The following SGCD variants were observed in gnomAD, a reference collection of about 807,000 sequenced individuals.
The protein encoded by SGCD is delta-sarcoglycan.
Under a neutral mutation model 36.6 loss-of-function variants are expected in SGCD, and 18 were observed. The observed-to-expected ratio is 0.49, with a 90% CI of 0.34 to 0.73. The LOEUF (loss-of-function observed/expected upper bound fraction) is 0.73. Ranked by LOEUF, SGCD falls within the 30% of genes least tolerant of loss-of-function variation. SGCD has a pLI of 0.01. For synonymous variants in SGCD, 133 were observed against 130.6 expected (o/e 1.02, Z -0.12); for missense variants, 387 against 346.7 (o/e 1.12, Z -0.92).
chr5:156,207,003 A>G (rs2127639341), intron 3 of SGCD, among the ~76,000 whole-genome samples: 1 of 152,234 alleles, frequency 6.6e-6, no homozygotes, highest in East Asian at 1.9e-4. Context: ...AGATATTAAT[A>G]AAATGTTCTT....
chr5:155,976,285 G>A (rs1443721608), intron 1 of SGCD, among the ~76,000 whole-genome samples: 2 of 152,032 alleles, frequency 1.3e-5, no homozygotes, highest in East Asian at 3.9e-4. Flanking sequence ...TATGAGGGGA[G>A]TATTGCAGGG....
At chr5:155,825,850 G>A in the SGCD span, among the ~76,000 whole-genome samples, 1 of 151,910 alleles carries the variant, frequency 6.6e-6, no homozygotes, top group Non-Finnish European at 1.5e-5. Context: ...CTGGATTCAA[G>A]CAATTCTTGT....
At chr5:155,953,085 C>T (rs1015225405) in intron 1 of SGCD, among the ~76,000 whole-genome samples, 1 of 152,076 alleles carries the variant, frequency 6.6e-6, no homozygotes, top group Non-Finnish European at 1.5e-5. Context: ...TGACCTCACT[C>T]GCCCAGTTAT....
At position 156,759,254 on chromosome 5, in the gene SGCD, T is replaced by C; in HGVS notation, c.737T>C (p.Leu246Pro). 3 of 1,613,854 alleles carry C rather than the reference T, an allele frequency of 1.9e-6. No individual in the cohort carries two copies. The highest frequency in any genetic ancestry group is 2.5e-6 in the Non-Finnish European group (3 of 1,179,788). Residue 246 changes from leucine to proline, a missense_variant, in exon 9 of 9, where the codon CTG (leucine) becomes CCG (proline). By Grantham distance (98) the Leu-to-Pro change is moderately conservative. Coordinates refer to ENST00000337851, the MANE Select transcript of SGCD (RefSeq NM_000337.6). ...GCTGCGAAAATCAGGCTACCTAGACTGCCTCATGGATCCTACACGCCTACA... is the reference window on the plus strand; with the variant it reads ...GCTGCGAAAATCAGGCTACCTAGACCGCCTCATGGATCCTACACGCCTACA... ...LDAAKIRLPR[L>P]PHGSYTPTGT...
chr5:156,070,212 T>G (rs1445059369), intron 1 of SGCD, among the ~76,000 whole-genome samples: 2 of 151,242 alleles, frequency 1.3e-5, no homozygotes, highest in African/African-American at 4.9e-5. Context: ...TTGTGCCAGT[T>G]TTCAAAGGGA....
chr5:155,799,126 T>G, the SGCD span, among the ~76,000 whole-genome samples: 1 of 152,166 alleles, frequency 6.6e-6, no homozygotes, highest in Non-Finnish European at 1.5e-5. Context: ...GTTGGTATAC[T>G]TTTTTTCTTA....
At chr5:155,860,204 G>T in the SGCD span, among the ~76,000 whole-genome samples, 2 of 152,188 alleles carry the variant, frequency 1.3e-5, no homozygotes, top group African/African-American at 4.8e-5. Flanking sequence ...AGGAAGATCA[G>T]GCCAATGACT....
At chr5:156,264,469 A>G (rs1220742565) in intron 3 of SGCD, among the ~76,000 whole-genome samples, 2 of 152,160 alleles carry the variant, frequency 1.3e-5, no homozygotes, top group Non-Finnish European at 2.9e-5. Flanking sequence ...TGTAATAATT[A>G]TATTTTAGTT....
At chr5:156,517,597 G>T (rs964792097) in intron 4 of SGCD, among the ~76,000 whole-genome samples, 2 of 152,066 alleles carry the variant, frequency 1.3e-5, no homozygotes, top group African/African-American at 4.8e-5. Flanking sequence ...CTGAAAGAAA[G>T]GTTCAGGCCA....
At chr5:156,523,024 A>G (rs1445317094) in intron 4 of SGCD, among the ~76,000 whole-genome samples, 4 of 152,242 alleles carry the variant, frequency 2.6e-5, no homozygotes, top group Non-Finnish European at 2.9e-5. Context: ...CATGATGTCA[A>G]TTGAGATTTA....
intron 3 of SGCD, among the ~76,000 whole-genome samples, chr5:156,371,270 C>A (rs1258341486): frequency 6.6e-6 from 1 of 151,978 alleles, no homozygotes; most frequent in Non-Finnish European, 1.5e-5. Flanking sequence ...TATTTTAATC[C>A]ACTCTGGAAG....
Position 156,766,609 on chromosome 5 carries a change from G to A in SGCD, c.*7219G>A, listed in dbSNP as rs886060320. 1 of 148,632 alleles carries A rather than the reference G, an allele frequency of 6.7e-6. No homozygotes were observed. The allele number at this position is 148,632 out of a possible 1,614,324, so 9.2% of individuals were successfully genotyped here. On this transcript the variant is annotated 3_prime_UTR_variant, in exon 9 of 9. Transcript: ENST00000337851. ...AGATTCAGCAATGAGGTTTGGTGGTGTTTCAACTAGGAAGGGAGAAAATGA... is the reference window on the plus strand; with the variant it reads ...AGATTCAGCAATGAGGTTTGGTGGTATTTCAACTAGGAAGGGAGAAAATGA...
chr5:156,078,214 T>A (rs1165433449), intron 1 of SGCD, among the ~76,000 whole-genome samples: 2 of 151,988 alleles, frequency 1.3e-5, no homozygotes, highest in South Asian at 4.1e-4. Context: ...TCCCATGCAG[T>A]TGTCAGAAAT....
At chr5:156,606,420 C>T (rs1365502957) in intron 6 of SGCD, among the ~76,000 whole-genome samples, 1 of 152,168 alleles carries the variant, frequency 6.6e-6, no homozygotes, top group African/African-American at 2.4e-5. Flanking sequence ...TGTTTTGGTA[C>T]CAGTACCATG....
At chr5:156,592,646 A>G (rs1760769669) in intron 5 of SGCD, among the ~76,000 whole-genome samples, 1 of 152,094 alleles carries the variant, frequency 6.6e-6, no homozygotes, top group South Asian at 2.1e-4. Context: ...GCTCCATTCC[A>G]GACTGAGACC....
At chr5:156,032,735 A>T (rs1200853790) in intron 1 of SGCD, among the ~76,000 whole-genome samples, 1 of 148,578 alleles carries the variant, frequency 6.7e-6, no homozygotes, top group Non-Finnish European at 1.5e-5. Context: ...AAAAAAAAAA[A>T]AGAGTGTTTA....
chr5:156,568,876 T>C (rs887377062), intron 4 of SGCD, among the ~76,000 whole-genome samples: 4 of 152,224 alleles, frequency 2.6e-5, no homozygotes, highest in Non-Finnish European at 5.9e-5. Context: ...AGTGAACATA[T>C]TATGTAATAT....
At chr5:156,398,952 C>T (rs1772002945) in intron 3 of SGCD, among the ~76,000 whole-genome samples, 1 of 152,190 alleles carries the variant, frequency 6.6e-6, no homozygotes, top group Non-Finnish European at 1.5e-5. Context: ...TCAATAGCCA[C>T]ATGCATGCAA....
intron 3 of SGCD, among the ~76,000 whole-genome samples, chr5:156,245,583 A>G (rs1397102211): frequency 6.6e-6 from 1 of 152,180 alleles, no homozygotes; most frequent in Non-Finnish European, 1.5e-5. Flanking sequence ...ATGTAAAGCA[A>G]TAAGATTCAC....
Sources: allele counts gnomAD v4.1 joint callset (sites outside exome capture counted in the v4.1 genomes callset), GRCh38; gene constraint gnomAD v4.1.1; transcripts MANE v1.5; gene names NCBI Gene and HGNC (gene_info 2026-07-23, HGNC 2026-07-21).